Variants in FGF11 observed in about 807,000 individuals in gnomAD.
FGF11 encodes fibroblast growth factor 11, also known as fibroblast growth factor homologous factor 3.
Under a neutral mutation model 25.1 loss-of-function variants are expected in FGF11, and 25 were observed. The observed-to-expected ratio is 1.00, with a 90% CI of 0.73 to 1.39. The LOEUF (loss-of-function observed/expected upper bound fraction) is 1.39. Ranked by LOEUF, FGF11 falls within the 40% of genes most tolerant of loss-of-function variation. The pLI is 0.00. For missense variants in FGF11, 320 were observed against 311.0 expected, an observed-to-expected ratio of 1.03 and a Z score of -0.22; for synonymous variants, 130 against 128.9, an observed-to-expected ratio of 1.01 and a Z score of -0.06.
chr17:7,439,565 G>A lies in FGF11; in HGVS notation c.-56G>A. 5 of 1,352,682 alleles carry A rather than the reference G, an allele frequency of 3.7e-6. No individual in the cohort carries two copies. Among genetic ancestry groups the A allele is most frequent in the South Asian group, 3.4e-5 (2 of 59,246 alleles). The allele number at this position is 1,352,682 out of a possible 1,614,324, so 83.8% of individuals were successfully genotyped here. The stretch of plus-strand genomic sequence containing the variant: ...CCCTAGTGAGCGGGCTCCTCTGGGG[G>A]AGCCCAGCGCGCTCCGGGCGCCTGC... On this transcript the variant is annotated 5_prime_UTR_variant, in exon 1 of 5. Coordinates refer to ENST00000293829, the MANE Select transcript of FGF11 (RefSeq NM_004112.4).
At position 7,440,220 on chromosome 17, in the gene FGF11, GC is replaced by G. The variant is rs3838886; in HGVS notation, c.193+416del. 64,962 of 155,686 alleles carry G rather than the reference GC, an allele frequency of 0.42. 14,486 individuals carry two copies. Among genetic ancestry groups the G allele is most frequent in the Non-Finnish European group, 0.51 (36,459 of 72,168 alleles). The allele number at this position is 155,686 out of a possible 1,614,324, so 9.6% of individuals were successfully genotyped here. The stretch of plus-strand genomic sequence containing the variant: ...AGGATTTCTGCAGCTCCAGCCGCAC[GC>G]CCCCCCCCAGCCCCCGCCTGCCCCG... On this transcript the variant is annotated intron_variant, in intron 1 of 4. Transcript: ENST00000293829. The surrounding 1 kb of genome is among the most constrained non-coding windows in gnomAD (Gnocchi z 5.4).
intron 3 of FGF11, 149 bp downstream of exon 3, chr17:7,442,028 A>C (rs1908353648): frequency 1.6e-6 from 1 of 609,634 alleles, no homozygotes. Flanking sequence ...ATCGCTGCCC[A>C]TTCCAGACCA....
chr17:7,439,118 C>T (rs1419762655), upstream of FGF11: 2 of 152,430 alleles, frequency 1.3e-5, no homozygotes, highest in Non-Finnish European at 2.9e-5. Flanking sequence ...AGGTTGGGTT[C>T]CTTCCTGACA....
Position 7,440,853 on chromosome 17 carries a change from G to T in FGF11, c.194-618G>T. On this transcript the variant is annotated intron_variant, in intron 1 of 4. Transcript: ENST00000293829. This position sits in a 1 kb window ranked among gnomAD's most constrained non-coding sequence, Gnocchi z 5.4. ...CTTACCCCAGGCGAGTTACCTGGCC[G>T]AAGGGGAGAGGCTGAGCCTCAGGGA... The T allele has an allele frequency of 1.0e-6, 1 of 988,448 alleles. No individual in the cohort carries two copies. The highest frequency in any genetic ancestry group is 4.6e-5 in the South Asian group (1 of 21,588). The allele number at this position is 988,448 out of a possible 1,614,324, so 61.2% of individuals were successfully genotyped here.
upstream of FGF11, among the ~76,000 whole-genome samples, chr17:7,438,754 A>G (rs1377314514): frequency 6.6e-6 from 1 of 152,184 alleles, no homozygotes; most frequent in Non-Finnish European, 1.5e-5. Flanking sequence ...TTTAAGGGGC[A>G]GCCAGGGGAG....
At position 7,440,791 on chromosome 17, in the gene FGF11, C is replaced by T; in HGVS notation, c.194-680C>T. On this transcript the variant is annotated intron_variant, in intron 1 of 4. Transcript: ENST00000293829. The surrounding 1 kb of genome is among the most constrained non-coding windows in gnomAD (Gnocchi z 5.4). ...GTGACTCAGCCTGCCTCTCCATCTC[C>T]TCAGCTCCCACCCCCCATATCCTTG... The T allele has an allele frequency of 1.0e-5, 10 of 987,272 alleles. No homozygotes were observed. Among genetic ancestry groups the T allele is most frequent in the Non-Finnish European group, 1.2e-5 (10 of 831,266 alleles). 61.2% of individuals were successfully genotyped at this position (987,272 alleles called of 1,614,324 possible).
chr17:7,442,304 A>G (rs1423771344), intron 3 of FGF11: 8 of 495,516 alleles, frequency 1.6e-5, no homozygotes, highest in Non-Finnish European at 2.2e-5. Flanking sequence ...GGGTCTTGCT[A>G]TGTTGGCCAG....
In FGF11 at chr17:7,441,563, G is replaced by C. The variant is rs779474070; in HGVS notation, c.286G>C (p.Glu96Gln). 1 of 1,614,222 alleles carries C rather than the reference G, an allele frequency of 6.2e-7. No homozygotes were observed. The highest frequency in any genetic ancestry group is 1.1e-5 in the South Asian group (1 of 91,086). ...CGACGGAAGCATCCAGGGCACCCCA[G>C]AGGATACCAGCTCCTTCAGTGAGAG... The part of the protein sequence containing the change: ...NPDGSIQGTP[E>Q]DTSSFTHFNL... The change falls in exon 2 of 5, where the codon GAG becomes CAG. Residue 96 changes from glutamate (E) to glutamine (Q), a missense_variant. Transcript: ENST00000293829.
chr17:7,441,983 G>A (rs1263541664), intron 3 of FGF11, 104 bp downstream of exon 3: 13 of 846,680 alleles, frequency 1.5e-5, no homozygotes, highest in Non-Finnish European at 2.0e-5. Flanking sequence ...CATTTTGCCC[G>A]GGACTCCTCC....
In FGF11 at chr17:7,439,579, C is replaced by A. The variant is rs1232723184; in HGVS notation, c.-42C>A. 3 of 1,377,690 alleles carry A rather than the reference C, an allele frequency of 2.2e-6. No homozygotes were observed. The highest frequency in any genetic ancestry group is 1.9e-6 in the Non-Finnish European group (2 of 1,073,424). 85.3% of individuals were successfully genotyped at this position (1,377,690 alleles called of 1,614,324 possible). A position where few individuals can be genotyped will look rare whatever the true frequency, so the allele number is the denominator to read the frequency against. On this transcript the variant is annotated 5_prime_UTR_variant, in exon 1 of 5. Transcript: ENST00000293829. ...CTCCTCTGGGGGAGCCCAGCGCGCT[C>A]CGGGCGCCTGCCGGTTTGGGGGTGT...
Position 7,439,551 on chromosome 17 carries a change from G to C in FGF11, c.-70G>C. 1 of 1,265,802 alleles carries C rather than the reference G, an allele frequency of 7.9e-7. No individual in the cohort carries two copies. Among genetic ancestry groups the C allele is most frequent in the Non-Finnish European group, 1.0e-6 (1 of 974,374 alleles). The allele number at this position is 1,265,802 out of a possible 1,614,324, so 78.4% of individuals were successfully genotyped here. On this transcript the variant is annotated 5_prime_UTR_variant, in exon 1 of 5. Transcript: ENST00000293829. ...GCGTCAAGAGCATGCCCTAGTGAGC[G>C]GGCTCCTCTGGGGGAGCCCAGCGCG... is the stretch of plus-strand genomic sequence containing the variant.
Position 7,443,246 on chromosome 17 carries a change from T to A in FGF11, c.*100T>A, listed in dbSNP as rs535025891. On this transcript the variant is annotated 3_prime_UTR_variant, in exon 5 of 5. Transcript: ENST00000293829. ...GCTCTCACCCCTGCTGCCACACACA[T>A]GCCCTGAGCAGCCAGGTCCCACTAG... 1.3e-6 allele frequency: 1 copy of A among 755,522 alleles called. No homozygotes were observed. Among genetic ancestry groups the A allele is most frequent in the Non-Finnish European group, 2.2e-6 (1 of 454,634 alleles). 46.8% of individuals were successfully genotyped at this position (755,522 alleles called of 1,614,324 possible). A position where few individuals can be genotyped will look rare whatever the true frequency, so the allele number is the denominator to read the frequency against.
At position 7,443,804 on chromosome 17, in the gene FGF11, C is replaced by T. The variant is rs4151134; in HGVS notation, c.*658C>T. The T allele has an allele frequency of 0.46, 70,568 of 151,996 alleles. 17,700 individuals are homozygous for T. Among genetic ancestry groups the T allele is most frequent in the Middle Eastern group, 0.6 (177 of 294 alleles). 9.4% of individuals were successfully genotyped at this position (151,996 alleles called of 1,614,324 possible). A position where few individuals can be genotyped will look rare whatever the true frequency, so the allele number is the denominator to read the frequency against. On this transcript the variant is annotated 3_prime_UTR_variant, in exon 5 of 5. Transcript: ENST00000293829. Reference sequence around the variant, plus strand: ...TCTAGCTGTTGGCTTTGGCCTGAACCGGAACCAGTCTCAGATGACCACGGG... The same window carrying T: ...TCTAGCTGTTGGCTTTGGCCTGAACTGGAACCAGTCTCAGATGACCACGGG...
chr17:7,439,369 G>A, upstream of FGF11: 1 of 391,038 alleles, frequency 2.6e-6, no homozygotes, highest in Non-Finnish European at 4.5e-6. Context: ...AAAACTCGAG[G>A]GTGGGATCCA....
chr17:7,442,429 C>A, intron 3 of FGF11, 165 bp from the exon 4 acceptor site: 1 of 1,464,690 alleles, frequency 6.8e-7, no homozygotes, highest in Non-Finnish European at 9.0e-7. Context: ...AGCCCTCAGC[C>A]CTCTTCCTTG....
Position 7,440,276 on chromosome 17 carries a change from GT to G in FGF11, c.193+465del, listed in dbSNP as rs2150833290. 6.5e-6 allele frequency: 1 copy of G among 154,720 alleles called. No homozygotes were observed. Among genetic ancestry groups the G allele is most frequent in the East Asian group, 1.9e-4 (1 of 5,190 alleles). 9.6% of individuals were successfully genotyped at this position (154,720 alleles called of 1,614,324 possible). A position where few individuals can be genotyped will look rare whatever the true frequency, so the allele number is the denominator to read the frequency against. ...TCCCGCTCCTCCACGCCTGGGCTCG[GT>G]TCCTCCTGGTCGAGCTCTGCTGGCT... On this transcript the variant is annotated intron_variant, in intron 1 of 4. Transcript: ENST00000293829. The surrounding 1 kb of genome is among the most constrained non-coding windows in gnomAD (Gnocchi z 5.4).
At chr17:7,439,271 T>G, upstream of FGF11, 9 of 201,092 alleles carry the variant, frequency 4.5e-5, no homozygotes, top group Non-Finnish European at 6.0e-5. Context: ...AACCACGTCT[T>G]GGAAATTTAG....
At chr17:7,439,836 C>T in intron 1 of FGF11, 23 bp downstream of exon 1, 2 of 1,402,676 alleles carry the variant, frequency 1.4e-6, no homozygotes. Context: ...GGGGCGGGGT[C>T]TCCCGGCCAG....
chr17:7,439,660 G>A lies in FGF11; in HGVS notation c.40G>A (p.Glu14Lys). 1 of 1,518,444 alleles carries A rather than the reference G, an allele frequency of 6.6e-7. No individual in the cohort carries two copies. Among genetic ancestry groups the A allele is most frequent in the Non-Finnish European group, 8.8e-7 (1 of 1,140,742 alleles). The allele number at this position is 1,518,444 out of a possible 1,614,324, so 94.1% of individuals were successfully genotyped here. A position where few individuals can be genotyped will look rare whatever the true frequency, so the allele number is the denominator to read the frequency against. Residue 14 changes from glutamate (E) to lysine (K), a missense_variant, in exon 1 of 5, where the codon GAG becomes AAG. Transcript: ENST00000293829. Reference protein sequence around the residue: ...LASSLIRQKREVREPGGSRPV... With the variant: ...LASSLIRQKRKVREPGGSRPV... The stretch of plus-strand genomic sequence containing the variant: ...CAGTAGCCTGATCCGGCAGAAGCGG[G>A]AGGTCCGCGAGCCCGGGGGCAGCCG...
Sources: gnomAD v4.1 joint callset for allele counts (sites outside exome capture counted in the v4.1 genomes callset) on GRCh38, gnomAD v4.1.1 for gene constraint, Gnocchi (gnomAD v3.1) non-coding constraint, MANE v1.5 for transcripts, NCBI Gene and HGNC (gene_info 2026-07-23, HGNC 2026-07-21) for gene names.